The following KCNQ5 variants were observed in gnomAD, a reference collection of about 807,000 sequenced individuals.
KCNQ5 encodes potassium voltage-gated channel subfamily KQT member 5.
In KCNQ5, 30 loss-of-function variants were observed where a neutral mutation model predicts 98.2. The observed-to-expected ratio is 0.31, with a 90% CI of 0.23 to 0.41. The LOEUF (loss-of-function observed/expected upper bound fraction) is 0.41, where lower values mean the gene tolerates loss of function less well. Ranked by LOEUF, KCNQ5 falls within the 10% of genes least tolerant of loss-of-function variation. The pLI, the probability that KCNQ5 is intolerant of heterozygous loss-of-function variation, is 1.00. For missense variants in KCNQ5, 835 were observed against 1,182.5 expected (o/e 0.71, Z 4.31); for synonymous variants, 458 against 449.4 (o/e 1.02, Z -0.24).
chr6:72,725,096 A>AT (rs1770195242), intron 1 of KCNQ5, among the ~76,000 whole-genome samples: 1 of 152,108 alleles, frequency 6.6e-6, no homozygotes, highest in Non-Finnish European at 1.5e-5. Context: ...ATTACTTAGA[A>AT]TTTTTTCTCT....
intron 1 of KCNQ5, among the ~76,000 whole-genome samples, chr6:72,720,425 C>T (rs1769896721): frequency 6.6e-6 from 1 of 152,160 alleles, no homozygotes; most frequent in Non-Finnish European, 1.5e-5. Flanking sequence ...TTTGCTTCCT[C>T]CGTGGTTCTC....
chr6:72,657,475 T>G (rs1041460361), intron 1 of KCNQ5, among the ~76,000 whole-genome samples: 1 of 152,182 alleles, frequency 6.6e-6, no homozygotes, highest in East Asian at 1.9e-4. Context: ...TGAAATATAT[T>G]TAAGTATTAT....
At chr6:72,881,868 T>C (rs1451542908) in intron 1 of KCNQ5, among the ~76,000 whole-genome samples, 1 of 152,122 alleles carries the variant, frequency 6.6e-6, no homozygotes, top group Non-Finnish European at 1.5e-5. Context: ...ATTTTTGTAT[T>C]TTCAGTAGAG....
chr6:72,723,363 T>C (rs967608345), intron 1 of KCNQ5, among the ~76,000 whole-genome samples: 4 of 152,202 alleles, frequency 2.6e-5, no homozygotes, highest in Admixed American at 6.5e-5. Flanking sequence ...TTAACGGTAA[T>C]TGGTATCTAA....
intron 1 of KCNQ5, among the ~76,000 whole-genome samples, chr6:72,948,023 T>A (rs1192912550): frequency 4.6e-5 from 7 of 152,114 alleles, no homozygotes; most frequent in African/African-American, 1.7e-4. Context: ...GCTACTAATA[T>A]GCTGAAGTTT....
chr6:73,056,120 T>C (rs1772477994), intron 3 of KCNQ5, among the ~76,000 whole-genome samples: 1 of 152,172 alleles, frequency 6.6e-6, no homozygotes, highest in South Asian at 2.1e-4. Context: ...GATAGTGACT[T>C]GGGTTTTTGC....
chr6:72,789,014 A>G (rs1370622639), intron 1 of KCNQ5, among the ~76,000 whole-genome samples: 1 of 152,234 alleles, frequency 6.6e-6, no homozygotes, highest in Admixed American at 6.5e-5. Flanking sequence ...TACCAATGCC[A>G]AGCCCCAGTC....
intron 3 of KCNQ5, among the ~76,000 whole-genome samples, chr6:73,060,816 C>A (rs1772744593): frequency 6.6e-6 from 1 of 152,096 alleles, no homozygotes; most frequent in Non-Finnish European, 1.5e-5. Context: ...CAAATGAAAG[C>A]ATTCTCTCAC....
In KCNQ5 at chr6:73,036,288, A is replaced by C. The variant is rs1348978084; in HGVS notation, c.490-5648A>C. ...GTAGTCCCAGCTACTCGGGAGGCTG[A>C]GGCAGGCGAATGGCATTAACCAGGG... is the stretch of plus-strand genomic sequence containing the variant. On this transcript the variant is annotated intron_variant, in intron 2 of 13. Coordinates refer to ENST00000370398, the MANE Select transcript of KCNQ5 (RefSeq NM_019842.4). 2.0e-5 allele frequency among the ~76,000 whole-genome samples: 3 copies of C among 148,274 alleles called. No homozygotes were observed. The South Asian group carries it at 6.5e-4, about 32-fold the overall frequency.
intron 1 of KCNQ5, among the ~76,000 whole-genome samples, chr6:72,954,314 C>A (rs1220832617): frequency 2.6e-5 from 4 of 152,144 alleles, no homozygotes; most frequent in African/African-American, 7.2e-5. Context: ...GGGAGGAAGG[C>A]AGGAGGAGGA....
At chr6:72,912,327 G>T (rs946795523) in intron 1 of KCNQ5, among the ~76,000 whole-genome samples, 1 of 152,144 alleles carries the variant, frequency 6.6e-6, no homozygotes, top group Non-Finnish European at 1.5e-5. Flanking sequence ...CGATGGATTA[G>T]ATCTGTTTAC....
At chr6:73,063,407 G>A (rs532493849) in intron 3 of KCNQ5, among the ~76,000 whole-genome samples, 1 of 152,220 alleles carries the variant, frequency 6.6e-6, no homozygotes, top group African/African-American at 2.4e-5. Flanking sequence ...GCATTATCTT[G>A]TACAAGCTTC....
At chr6:73,057,154 AAG>A (rs1220352599) in intron 3 of KCNQ5, among the ~76,000 whole-genome samples, 1 of 152,206 alleles carries the variant, frequency 6.6e-6, no homozygotes, top group African/African-American at 2.4e-5. Context: ...AGCCATAAAA[AAG>A]GATGAGTTCA....
intron 1 of KCNQ5, among the ~76,000 whole-genome samples, chr6:72,923,236 T>C (rs1365127481): frequency 6.6e-6 from 1 of 152,230 alleles, no homozygotes; most frequent in Non-Finnish European, 1.5e-5. Context: ...ACTGATTTCA[T>C]TTCCTTTAGA....
At chr6:73,166,858 T>G (rs978118604) in intron 10 of KCNQ5, among the ~76,000 whole-genome samples, 2 of 152,234 alleles carry the variant, frequency 1.3e-5, no homozygotes, top group African/African-American at 4.8e-5. Context: ...TGTGTCCCTA[T>G]GTCTTTGCCT....
intron 5 of KCNQ5, among the ~76,000 whole-genome samples, chr6:73,079,463 A>C (rs1468608124): frequency 6.6e-6 from 1 of 152,360 alleles, no homozygotes; most frequent in South Asian, 2.1e-4. Flanking sequence ...TCAAAAGCTC[A>C]TCAGCAAGAC....
intron 1 of KCNQ5, among the ~76,000 whole-genome samples, chr6:72,920,436 G>A (rs896260435): frequency 6.6e-6 from 1 of 152,178 alleles, no homozygotes; most frequent in African/African-American, 2.4e-5. Flanking sequence ...TTCTGAGCCA[G>A]AGTGTTGGAA....
chr6:72,851,055 A>G (rs1777233616), intron 1 of KCNQ5, among the ~76,000 whole-genome samples: 1 of 152,220 alleles, frequency 6.6e-6, no homozygotes, highest in Non-Finnish European at 1.5e-5. Flanking sequence ...AATAAAAGGG[A>G]GAAATTTCTC....
chr6:73,127,630 C>A (rs1209374647), intron 9 of KCNQ5, among the ~76,000 whole-genome samples: 2 of 152,156 alleles, frequency 1.3e-5, no homozygotes, highest in Admixed American at 6.5e-5. Context: ...ACTACATTCC[C>A]GGCTTTGGAA....
Sources: allele counts gnomAD v4.1 joint callset (sites outside exome capture counted in the v4.1 genomes callset), GRCh38; gene constraint gnomAD v4.1.1; transcripts MANE v1.5; gene names NCBI Gene and HGNC (gene_info 2026-07-23, HGNC 2026-07-21).